CADM1: variants seen among roughly 807,000 people sequenced by gnomAD.
The protein encoded by CADM1 is cell adhesion molecule 1, also known as TSLC-1.
In CADM1, 15 loss-of-function variants were observed where a neutral mutation model predicts 53.1. The ratio of observed to expected loss-of-function variants is 0.28; its 90% CI spans 0.19 to 0.44. The LOEUF (loss-of-function observed/expected upper bound fraction) is 0.44. Ranked by LOEUF, CADM1 falls within the 20% of genes least tolerant of loss-of-function variation. The probability of loss-of-function intolerance (pLI) is 1.00; values close to 1 mark genes in which losing one functional copy is unlikely to be tolerated. For synonymous variants in CADM1, 281 were observed against 243.0 expected, an observed-to-expected ratio of 1.16 and a Z score of -1.45; for missense variants, 434 against 611.3, an observed-to-expected ratio of 0.71 and a Z score of 3.06.
chr11:115,456,308 T>C (rs1036313742), intron 1 of CADM1, among the ~76,000 whole-genome samples: 1 of 150,674 alleles, frequency 6.6e-6, no homozygotes, highest in Admixed American at 6.6e-5. Context: ...AAGACACTGA[T>C]ACAAAAAAAA....
intron 1 of CADM1, among the ~76,000 whole-genome samples, chr11:115,288,980 T>C (rs750134484): frequency 9.2e-5 from 14 of 152,128 alleles, no homozygotes; most frequent in Non-Finnish European, 1.9e-4. Context: ...ACCCCCAGGT[T>C]AGGATAAGGA....
At chr11:115,307,951 A>G (rs1473234730) in intron 1 of CADM1, among the ~76,000 whole-genome samples, 5 of 151,818 alleles carry the variant, frequency 3.3e-5, no homozygotes, top group Non-Finnish European at 7.4e-5. Context: ...CATGATTCCA[A>G]ATAACTTTGG....
rs11358670 is a variant in CADM1, at chr11:115,502,327, C to CTTTTT, written c.124+1939_124+1943dup. Among the ~76,000 whole-genome samples, 36 of 52,378 alleles carry CTTTTT rather than the reference C, an allele frequency of 6.9e-4. 3 individuals are homozygous for CTTTTT. The highest frequency in any genetic ancestry group is 2.7e-3 in the African/African-American group (34 of 12,448). 34.4% of individuals were successfully genotyped at this position (52,378 alleles called of 152,430 possible). A position where few individuals can be genotyped will look rare whatever the true frequency, so the allele number is the denominator to read the frequency against. ...ACCACAGCTTTCCACCGCCCCCCGGCTTTTTTTTTTTTTTTTTTTTTTTTT... is the reference window on the plus strand; with the variant it reads ...ACCACAGCTTTCCACCGCCCCCCGGCTTTTTTTTTTTTTTTTTTTTTTTTTTTTTT... On this transcript the variant is annotated intron_variant, in intron 1 of 11. Coordinates refer to ENST00000331581, the MANE Select transcript of CADM1 (RefSeq NM_001301043.2).
intron 1 of CADM1, among the ~76,000 whole-genome samples, chr11:115,371,262 A>T (rs1946299483): frequency 6.6e-6 from 1 of 152,200 alleles, no homozygotes. Context: ...TATGCATAAA[A>T]GTAAAATGTT....
At chr11:115,314,359 C>A (rs1944605865) in intron 1 of CADM1, among the ~76,000 whole-genome samples, 1 of 152,060 alleles carries the variant, frequency 6.6e-6, no homozygotes, top group South Asian at 2.1e-4. Flanking sequence ...TCTTCTCATC[C>A]CCAGTAAATT....
intron 1 of CADM1, chr11:115,340,383 G>A (rs202239769): frequency 6.6e-6 from 1 of 151,340 alleles, no homozygotes; most frequent in Admixed American, 6.6e-5. Context: ...AATCTTTCAT[G>A]ACAATCTCTT....
Position 115,431,687 on chromosome 11 carries a change from C to T in CADM1, c.124+72584G>A, listed in dbSNP as rs140254224. On this transcript the variant is annotated intron_variant, in intron 1 of 11. Coordinates refer to ENST00000331581, the MANE Select transcript of CADM1 (RefSeq NM_001301043.2). ...TGGCTTTCTTTCAATTCCTTTAAGG[C>T]ACCCTGTTCCCTCTGGAAAGTTCTT... Among the ~76,000 whole-genome samples the T allele has an allele frequency of 8.5e-5, 13 of 152,182 alleles. No homozygotes were observed. The East Asian group carries it at 2.3e-3, about 27-fold the overall frequency.
At chr11:115,288,301 T>A (rs1943785093) in intron 1 of CADM1, among the ~76,000 whole-genome samples, 1 of 152,164 alleles carries the variant, frequency 6.6e-6, no homozygotes. Context: ...AATGAAATAC[T>A]TTTCTTCCAG....
rs146666877 is a variant in CADM1, at chr11:115,178,660, A to G, written c.1281T>C (p.Tyr427=). The G allele has an allele frequency of 2.6e-4, 423 of 1,613,292 alleles. No individual in the cohort carries two copies. Among genetic ancestry groups the G allele is most frequent in the Non-Finnish European group, 3.1e-4 (371 of 1,179,998 alleles). Residue 427 remains tyrosine, a synonymous_variant, in exon 11 of 12, where the codon TAT becomes TAC. Coordinates refer to ENST00000331581, the MANE Select transcript of CADM1 (RefSeq NM_001301043.2). ...TTTGCTTACCTTTATGTCTGGCAAAATAGCGCCCCAGAATGATGAGCAAGC... is the reference window on the plus strand; with the variant it reads ...TTTGCTTACCTTTATGTCTGGCAAAGTAGCGCCCCAGAATGATGAGCAAGC... ...MLCLLIILGR[Y]FARHKGTYFT...
intron 1 of CADM1, among the ~76,000 whole-genome samples, chr11:115,418,464 C>T (rs1947666155): frequency 6.6e-6 from 1 of 152,054 alleles, no homozygotes; most frequent in Admixed American, 6.6e-5. Context: ...TTCTATTAGC[C>T]TCAGGAAAGC....
intron 1 of CADM1, among the ~76,000 whole-genome samples, chr11:115,491,496 G>A (rs543851995): frequency 2.8e-4 from 43 of 152,062 alleles, no homozygotes; most frequent in African/African-American, 9.6e-4. Context: ...ACCTGGCGGC[G>A]GGGAGCCTGC....
Position 115,385,700 on chromosome 11 carries a change from A to C in CADM1, c.124+118571T>G, listed in dbSNP as rs192565039. Among the ~76,000 whole-genome samples the C allele has an allele frequency of 9.0e-4, 137 of 152,100 alleles. 1 individual carries two copies. The highest frequency in any genetic ancestry group is 2.9e-3 in the African/African-American group (121 of 41,510). On this transcript the variant is annotated intron_variant, in intron 1 of 11. Coordinates refer to ENST00000331581, the MANE Select transcript of CADM1 (RefSeq NM_001301043.2). ...GGGGCTAACTTAATCAAGATTTTGC[A>C]ATCTGCCAGAAAATTCCTCCCAAAT...
chr11:115,273,624 T>C (rs940127486), intron 1 of CADM1, among the ~76,000 whole-genome samples: 1 of 152,116 alleles, frequency 6.6e-6, no homozygotes, highest in African/African-American at 2.4e-5. Context: ...TAATTAAGTC[T>C]TTATCATCGT....
At chr11:115,253,913 G>A (rs1410967848) in intron 1 of CADM1, among the ~76,000 whole-genome samples, 1 of 152,130 alleles carries the variant, frequency 6.6e-6, no homozygotes, top group African/African-American at 2.4e-5. Flanking sequence ...TTTGATCTGG[G>A]TTCAATCCTA....
intron 1 of CADM1, among the ~76,000 whole-genome samples, chr11:115,409,465 G>A (rs766230512): frequency 2.0e-4 from 30 of 151,992 alleles, no homozygotes; most frequent in Admixed American, 4.6e-4. Flanking sequence ...ACCAAAGAAA[G>A]GAATGTTGAG....
At chr11:115,501,999 C>CTGA (rs1238812807) in intron 1 of CADM1, among the ~76,000 whole-genome samples, 1 of 152,148 alleles carries the variant, frequency 6.6e-6, no homozygotes, top group African/African-American at 2.4e-5. Flanking sequence ...TGAACACAAT[C>CTGA]TGATAACCAG....
At position 115,214,705 on chromosome 11, in the gene CADM1, G is replaced by A. The variant is rs1277539908; in HGVS notation, c.897C>T (p.Phe299=). ...TATCTGTTTTGTTTAGGTTATTGATGAACAGGTTGGGCCCAGACAGTACGG... is the reference window on the plus strand; with the variant it reads ...TATCTGTTTTGTTTAGGTTATTGATAAACAGGTTGGGCCCAGACAGTACGG... ...QHAVLSGPNL[F]INNLNKTDNG... is the part of the protein sequence containing the mutation. The change falls in exon 7 of 12, where the codon TTC becomes TTT. Residue 299 remains phenylalanine, a synonymous_variant. Transcript: ENST00000331581. 1 of 1,613,968 alleles carries A rather than the reference G, an allele frequency of 6.2e-7. No individual in the cohort carries two copies.
intron 1 of CADM1, among the ~76,000 whole-genome samples, chr11:115,423,149 C>T (rs879892211): frequency 2.0e-5 from 3 of 151,898 alleles, no homozygotes; most frequent in Admixed American, 6.6e-5. Context: ...CTTCAACATT[C>T]GAGTGAACAC....
chr11:115,207,921 T>C (rs1940774043), intron 8 of CADM1, among the ~76,000 whole-genome samples: 1 of 152,182 alleles, frequency 6.6e-6, no homozygotes, highest in Admixed American at 6.5e-5. Flanking sequence ...GCTTACGAAC[T>C]GGGTAGCAGG....
Sources: allele counts gnomAD v4.1 joint callset (sites outside exome capture counted in the v4.1 genomes callset), GRCh38; gene constraint gnomAD v4.1.1; transcripts MANE v1.5; gene names NCBI Gene and HGNC (gene_info 2026-07-23, HGNC 2026-07-21).